The following STT3B variants were observed in gnomAD, a reference collection of about 807,000 sequenced individuals.
The protein encoded by STT3B is STT3 oligosaccharyltransferase complex catalytic subunit B, also known as dolichyl-diphosphooligosaccharide--protein glycosyltransferase subunit STT3B.
A neutral mutation model predicts 96.8 loss-of-function variants in STT3B; 29 were observed. The ratio of observed to expected loss-of-function variants is 0.30; its 90% CI spans 0.22 to 0.41. The LOEUF is 0.41. Ranked by LOEUF, STT3B falls within the 10% of genes least tolerant of loss-of-function variation. The pLI is 1.00. For missense variants in STT3B, 640 were observed against 1,022.3 expected, an observed-to-expected ratio of 0.63 and a Z score of 5.10; for synonymous variants, 367 against 360.0, an observed-to-expected ratio of 1.02 and a Z score of -0.22.
chr3:31,619,289 A>T (rs949610843), intron 8 of STT3B, among the ~76,000 whole-genome samples: 1 of 152,174 alleles, frequency 6.6e-6, no homozygotes, highest in Non-Finnish European at 1.5e-5. Flanking sequence ...TGCTGGTTCT[A>T]AGCATTTCAG....
intron 3 of STT3B, among the ~76,000 whole-genome samples, chr3:31,582,736 G>C (rs976822303): frequency 6.6e-6 from 1 of 151,752 alleles, no homozygotes; most frequent in African/African-American, 2.4e-5. Flanking sequence ...CATAAGTTCT[G>C]ATACATTGTG....
intron 15 of STT3B, 58 bp from the exon 16 acceptor site, chr3:31,635,926 T>C (rs1053529405): frequency 5.4e-6 from 7 of 1,290,266 alleles, no homozygotes; most frequent in Non-Finnish European, 7.6e-6. Flanking sequence ...TGTGTGTTTA[T>C]AGATTTTTTA....
Position 31,562,121 on chromosome 3 carries a change from T to A in STT3B, c.315-14275T>A, listed in dbSNP as rs1029375613. On this transcript the variant is annotated intron_variant, in intron 1 of 15. Transcript: ENST00000295770. ...TCCAGGCTGATTTTAGGCCTCCAGG[T>A]GGCCTGCTTAGGTGCTGGGATTCCA... 3.3e-5 allele frequency among the ~76,000 whole-genome samples: 5 copies of A among 152,146 alleles called. No homozygotes were observed. In the South Asian group the frequency reaches 1.0e-3, roughly 32 times the overall value.
At chr3:31,624,877 G>T in intron 11 of STT3B, 37 bp from the exon 12 acceptor site, 1 of 1,525,012 alleles carries the variant, frequency 6.6e-7, no homozygotes, top group Non-Finnish European at 9.0e-7. Context: ...TCACATTTGT[G>T]ACATCTCATT....
intron 1 of STT3B, among the ~76,000 whole-genome samples, chr3:31,574,226 A>G (rs1202714551): frequency 6.6e-6 from 1 of 152,150 alleles, no homozygotes; most frequent in African/African-American, 2.4e-5. Flanking sequence ...GGTATACTCA[A>G]CTTTGTGTGG....
At chr3:31,597,312 A>G (rs1247370252) in intron 4 of STT3B, among the ~76,000 whole-genome samples, 3 of 152,038 alleles carry the variant, frequency 2.0e-5, no homozygotes, top group Non-Finnish European at 4.4e-5. Context: ...GGCGCCCGCC[A>G]CCACGCCTGG....
At chr3:31,580,611 T>G (rs1194216007) in intron 3 of STT3B, among the ~76,000 whole-genome samples, 1 of 152,126 alleles carries the variant, frequency 6.6e-6, no homozygotes, top group South Asian at 2.1e-4. Context: ...TTACCAAAAT[T>G]TGTGTGTGTC....
intron 2 of STT3B, among the ~76,000 whole-genome samples, chr3:31,579,499 A>AAT (rs1698336263): frequency 6.7e-6 from 1 of 149,570 alleles, no homozygotes; most frequent in Admixed American, 6.6e-5. Context: ...AAAAAAAAAA[A>AAT]AAAAAGTTAG....
intron 1 of STT3B, among the ~76,000 whole-genome samples, chr3:31,573,049 T>G (rs747091283): frequency 6.6e-6 from 1 of 152,000 alleles, no homozygotes; most frequent in African/African-American, 2.4e-5. Context: ...TTAACTGGGA[T>G]AGGGAGGGAG....
chr3:31,542,618 A>G (rs1277379762), intron 1 of STT3B, among the ~76,000 whole-genome samples: 2 of 152,202 alleles, frequency 1.3e-5, no homozygotes, highest in African/African-American at 4.8e-5. Flanking sequence ...ACAAAATCCC[A>G]TGTGTACCTG....
chr3:31,607,686 AAGTC>A (rs1253178461), intron 5 of STT3B, among the ~76,000 whole-genome samples: 1 of 152,176 alleles, frequency 6.6e-6, no homozygotes, highest in African/African-American at 2.4e-5. Context: ...ATAGTTGAAA[AAGTC>A]AAATACTACA....
intron 8 of STT3B, among the ~76,000 whole-genome samples, chr3:31,619,227 T>G (rs556474297): frequency 1.3e-5 from 2 of 152,298 alleles, no homozygotes; most frequent in African/African-American, 4.8e-5. Context: ...AATTTCAGAT[T>G]AGAGATGCTG....
chr3:31,628,601 C>G (rs1286116989), intron 13 of STT3B, among the ~76,000 whole-genome samples: 1 of 152,052 alleles, frequency 6.6e-6, no homozygotes, highest in South Asian at 2.1e-4. Context: ...CAAAATTGTT[C>G]CTCATAGAGG....
At chr3:31,615,642 T>C (rs1287162857) in intron 6 of STT3B, among the ~76,000 whole-genome samples, 1 of 151,868 alleles carries the variant, frequency 6.6e-6, no homozygotes, top group Admixed American at 6.6e-5. Context: ...AAGTAGTAAT[T>C]TGAGACGCAG....
intron 6 of STT3B, among the ~76,000 whole-genome samples, chr3:31,616,106 CTG>C (rs978784732): frequency 1.4e-4 from 22 of 151,934 alleles, no homozygotes; most frequent in South Asian, 1.0e-3. Flanking sequence ...GGCAGGGAAA[CTG>C]TATTTTTATG....
intron 1 of STT3B, among the ~76,000 whole-genome samples, chr3:31,560,904 T>C (rs1211022475): frequency 6.6e-6 from 1 of 152,130 alleles, no homozygotes; most frequent in Non-Finnish European, 1.5e-5. Flanking sequence ...TTTGTTCACT[T>C]TCTGTTGTCT....
intron 13 of STT3B, 38 bp from the exon 14 acceptor site, chr3:31,629,260 C>G (rs753992522): frequency 8.8e-7 from 1 of 1,139,028 alleles, no homozygotes; most frequent in South Asian, 1.3e-5. Flanking sequence ...AATATGTTAA[C>G]TTGAACTAAC....
chr3:31,618,813 T>C (rs1186580883), intron 8 of STT3B, among the ~76,000 whole-genome samples: 1 of 152,064 alleles, frequency 6.6e-6, no homozygotes, highest in African/African-American at 2.4e-5. Context: ...TAACCCAAGT[T>C]GTAGAATGTT....
chr3:31,559,365 G>C (rs564962380), intron 1 of STT3B, among the ~76,000 whole-genome samples: 115 of 150,578 alleles, frequency 7.6e-4, no homozygotes, highest in Admixed American at 1.8e-3. Flanking sequence ...CATGGTTTTT[G>C]CTGTTTCTTA....
Sources: gnomAD v4.1 joint callset for allele counts (sites outside exome capture counted in the v4.1 genomes callset) on GRCh38, gnomAD v4.1.1 for gene constraint, MANE v1.5 for transcripts, NCBI Gene and HGNC (gene_info 2026-07-23, HGNC 2026-07-21) for gene names.